The following PCCA variants were observed in gnomAD, a reference collection of about 807,000 sequenced individuals.
The protein encoded by PCCA is propionyl-CoA carboxylase alpha chain, mitochondrial.
A neutral mutation model predicts 101.3 loss-of-function variants in PCCA; 74 were observed. That is an observed-to-expected ratio of 0.73 (90% confidence interval 0.61 to 0.89). The LOEUF (loss-of-function observed/expected upper bound fraction) is 0.89. Ranked by LOEUF, PCCA falls within the 40% of genes least tolerant of loss-of-function variation. The probability of loss-of-function intolerance (pLI) is 0.00; values close to 1 mark genes in which losing one functional copy is unlikely to be tolerated. For missense variants in PCCA, 891 were observed against 907.0 expected, an observed-to-expected ratio of 0.98 and a Z score of 0.23; for synonymous variants, 294 against 313.6, an observed-to-expected ratio of 0.94 and a Z score of 0.66.
intron 21 of PCCA, among the ~76,000 whole-genome samples, chr13:100,455,637 T>G (rs141785815): frequency 6.6e-6 from 1 of 152,330 alleles, no homozygotes; most frequent in Admixed American, 6.5e-5. Flanking sequence ...GCTGTAATTC[T>G]CACTACTACC....
chr13:100,215,030 G>A (rs2059434533), intron 7 of PCCA, among the ~76,000 whole-genome samples: 1 of 152,122 alleles, frequency 6.6e-6, no homozygotes, highest in South Asian at 2.1e-4. Context: ...CCTTTGCATT[G>A]TATGTATCCG....
At chr13:100,097,413 A>T (rs919319323) in intron 1 of PCCA, among the ~76,000 whole-genome samples, 1 of 152,158 alleles carries the variant, frequency 6.6e-6, no homozygotes, top group African/African-American at 2.4e-5. Context: ...TGTGAATTAC[A>T]TCTCAATTAA....
At chr13:100,253,066 G>A (rs2061858142) in intron 8 of PCCA, among the ~76,000 whole-genome samples, 1 of 152,154 alleles carries the variant, frequency 6.6e-6, no homozygotes, top group African/African-American at 2.4e-5. Flanking sequence ...CATTTTCAAG[G>A]AGCAGTAACC....
In PCCA at chr13:100,245,106, A is replaced by G. The variant is rs569848672; in HGVS notation, c.637+9228A>G. Among the ~76,000 whole-genome samples, 14 of 152,340 alleles carry G rather than the reference A, an allele frequency of 9.2e-5. 2 individuals are homozygous for G. The East Asian group carries it at 9.6e-4, about 10-fold the overall frequency. On this transcript the variant is annotated intron_variant, in intron 8 of 23. Coordinates refer to ENST00000376285, the MANE Select transcript of PCCA (RefSeq NM_000282.4). ...GGTCTGCCAACTCGAATGATACTCCAAAACTAAACTGATAATGATGAAACT... is the reference window on the plus strand; with the variant it reads ...GGTCTGCCAACTCGAATGATACTCCGAAACTAAACTGATAATGATGAAACT...
At position 100,394,840 on chromosome 13, in the gene PCCA, A is replaced by G. The variant is rs1195294047; in HGVS notation, c.1746+26266A>G. ...ACATTTCATTAGAATAGCTACTTCA[A>G]TTTACTCTGAAAAAACTGCTTTCTT... On this transcript the variant is annotated intron_variant, in intron 19 of 23. Coordinates refer to ENST00000376285, the MANE Select transcript of PCCA (RefSeq NM_000282.4). The surrounding 1 kb of genome is among the most constrained non-coding windows in gnomAD (Gnocchi z 4.3). Among the ~76,000 whole-genome samples, 3 of 152,120 alleles carry G rather than the reference A, an allele frequency of 2.0e-5. No homozygotes were observed. Among genetic ancestry groups the G allele is most frequent in the African/African-American group, 2.4e-5 (1 of 41,420 alleles).
intron 4 of PCCA, among the ~76,000 whole-genome samples, chr13:100,145,359 G>A (rs1045232669): frequency 6.6e-6 from 1 of 152,164 alleles, no homozygotes; most frequent in Non-Finnish European, 1.5e-5. Context: ...TACTAGTCGT[G>A]TCCCCTCAGG....
chr13:100,517,796 T>C (rs2086944315), intron 22 of PCCA, among the ~76,000 whole-genome samples: 1 of 152,164 alleles, frequency 6.6e-6, no homozygotes, highest in Non-Finnish European at 1.5e-5. Context: ...TTGTGAAAAA[T>C]GTCCCAAACC....
chr13:100,270,182 C>G (rs2063213872), intron 11 of PCCA, among the ~76,000 whole-genome samples: 1 of 152,224 alleles, frequency 6.6e-6, no homozygotes, highest in Admixed American at 6.5e-5. Flanking sequence ...AATCCTCTTC[C>G]TGTGTCTTTA....
rs139583993 is a variant in PCCA at position 100,348,727 on chromosome 13, CCTTTCTTTCTTTCTTTCTTT to C, written c.1643+8512_1643+8531del. 9.7e-3 allele frequency among the ~76,000 whole-genome samples: 965 copies of C among 99,520 alleles called. 22 individuals are homozygous for C. The highest frequency in any genetic ancestry group is 0.035 in the African/African-American group (904 of 25,646). 65.3% of individuals were successfully genotyped at this position (99,520 alleles called of 152,430 possible). A position where few individuals can be genotyped will look rare whatever the true frequency, so the allele number is the denominator to read the frequency against. The stretch of plus-strand genomic sequence containing the variant: ...TCAGCTTTTACTTTCCGTTTTTTTT[CCTTTCTTTCTTTCTTTCTTT>C]CTTTCTTTCTTTCTTTCTTTCTTTC... On this transcript the variant is annotated intron_variant, in intron 18 of 23. Coordinates refer to ENST00000376285, the MANE Select transcript of PCCA (RefSeq NM_000282.4).
intron 7 of PCCA, among the ~76,000 whole-genome samples, chr13:100,220,786 C>CT (rs759126716): frequency 2.6e-5 from 4 of 152,200 alleles, no homozygotes; most frequent in Admixed American, 6.5e-5. Context: ...AAGTCTGACT[C>CT]TGAGAGACCA....
At position 100,285,351 on chromosome 13, in the gene PCCA, G is replaced by C. The variant is rs560051582; in HGVS notation, c.1065+12005G>C. 2.0e-5 allele frequency among the ~76,000 whole-genome samples: 3 copies of C among 152,130 alleles called. No homozygotes were observed. The South Asian group carries it at 6.2e-4, about 32-fold the overall frequency. On this transcript the variant is annotated intron_variant, in intron 12 of 23. Coordinates refer to ENST00000376285, the MANE Select transcript of PCCA (RefSeq NM_000282.4). ...GCTTTAAGCCTTCCCACAGTACAAA[G>C]CTTCTCTTTATACGTCACAGAGAGA...
chr13:100,374,173 G>A (rs190868005), intron 19 of PCCA, among the ~76,000 whole-genome samples: 35 of 152,086 alleles, frequency 2.3e-4, no homozygotes, highest in African/African-American at 8.0e-4. Flanking sequence ...GGAAATGAAT[G>A]CATGGTAAAA....
At position 100,118,947 on chromosome 13, in the gene PCCA, G is replaced by A. The variant is rs2049097723; in HGVS notation, c.300+6886G>A. ...TAAGTATGATCATTTGGTTTCATCA[G>A]GTCTTCCCATTATAATGGTACATTT... On this transcript the variant is annotated intron_variant, in intron 4 of 23. Coordinates refer to ENST00000376285, the MANE Select transcript of PCCA (RefSeq NM_000282.4). 2.0e-5 allele frequency among the ~76,000 whole-genome samples: 3 copies of A among 152,160 alleles called. No homozygotes were observed. The South Asian group carries it at 6.2e-4, about 32-fold the overall frequency.
At chr13:100,203,375 C>T (rs924661786) in intron 6 of PCCA, among the ~76,000 whole-genome samples, 4 of 151,810 alleles carry the variant, frequency 2.6e-5, no homozygotes, top group African/African-American at 7.3e-5. Flanking sequence ...ACTCTGGTCC[C>T]TTTTTCTTTG....
chr13:100,411,312 G>A (rs2078038212), intron 19 of PCCA, among the ~76,000 whole-genome samples: 1 of 148,344 alleles, frequency 6.7e-6, no homozygotes, highest in Non-Finnish European at 1.5e-5. Flanking sequence ...TGTTACCTCT[G>A]CCTCCCAGGT....
At chr13:100,146,907 A>G (rs1236716894) in intron 4 of PCCA, among the ~76,000 whole-genome samples, 1 of 149,448 alleles carries the variant, frequency 6.7e-6, no homozygotes, top group Non-Finnish European at 1.5e-5. Context: ...AATACCTGCA[A>G]ATTGGAACCA....
chr13:100,328,826 G>A (rs912871408), intron 16 of PCCA, among the ~76,000 whole-genome samples: 1 of 149,546 alleles, frequency 6.7e-6, no homozygotes, highest in East Asian at 2.0e-4. Context: ...CCCAAGTAGC[G>A]GGGATTACAG....
At chr13:100,398,549 T>C (rs1441344440) in intron 19 of PCCA, among the ~76,000 whole-genome samples, 1 of 152,204 alleles carries the variant, frequency 6.6e-6, no homozygotes, top group Admixed American at 6.5e-5. Flanking sequence ...GTTCCGCTAT[T>C]TGGCACTGGG....
At chr13:100,089,359 G>T in intron 1 of PCCA, 134 bp downstream of exon 1, 1 of 1,191,612 alleles carries the variant, frequency 8.4e-7, no homozygotes, top group Non-Finnish European at 1.1e-6. Context: ...CAGCTACACC[G>T]CTTGCTTTCC....
Sources: gnomAD v4.1 joint callset for allele counts (sites outside exome capture counted in the v4.1 genomes callset) on GRCh38, gnomAD v4.1.1 for gene constraint, Gnocchi (gnomAD v3.1) non-coding constraint, MANE v1.5 for transcripts, NCBI Gene and HGNC (gene_info 2026-07-23, HGNC 2026-07-21) for gene names.